The following ZNF280D variants were observed in gnomAD, a reference collection of about 807,000 sequenced individuals.
ZNF280D encodes the protein zinc finger protein 280D.
ZNF280D carries 39 observed loss-of-function variants against 94.7 expected under a neutral mutation model. That is an observed-to-expected ratio of 0.41 (90% CI 0.32 to 0.54). ZNF280D has a LOEUF of 0.54. Among genes scored for constraint, ZNF280D ranks in the 20% least tolerant of loss-of-function variants. The probability of loss-of-function intolerance (pLI) is 0.22; values close to 1 mark genes in which losing one functional copy is unlikely to be tolerated. For missense variants in ZNF280D, 1,090 were observed against 1,149.3 expected (o/e 0.95, Z 0.75); for synonymous variants, 398 against 377.6 (o/e 1.05, Z -0.63).
At chr15:56,640,277 T>C (rs969778953) in intron 20 of ZNF280D, among the ~76,000 whole-genome samples, 1 of 151,908 alleles carries the variant, frequency 6.6e-6, no homozygotes, top group African/African-American at 2.4e-5. Context: ...GCTTTGTGTG[T>C]GGTGTGTTTT....
chr15:56,718,889 C>A (rs745571437), intron 1 of ZNF280D, among the ~76,000 whole-genome samples: 14 of 152,334 alleles, frequency 9.2e-5, no homozygotes, highest in Middle Eastern at 3.4e-3. Context: ...GTTTATCTTG[C>A]AGCTATTTTA....
intron 17 of ZNF280D, among the ~76,000 whole-genome samples, chr15:56,656,280 A>C (rs2053551442): frequency 6.6e-6 from 1 of 152,192 alleles, no homozygotes; most frequent in Non-Finnish European, 1.5e-5. Flanking sequence ...AATAAGAATA[A>C]TTACATTAAT....
At chr15:56,706,855 T>C (rs1186923463) in intron 3 of ZNF280D, among the ~76,000 whole-genome samples, 2 of 152,194 alleles carry the variant, frequency 1.3e-5, no homozygotes, top group African/African-American at 2.4e-5. Context: ...TGTATGATTA[T>C]ATGTACCAAA....
chr15:56,690,497 GGTTT>G (rs1321778829), intron 7 of ZNF280D, among the ~76,000 whole-genome samples: 1 of 152,020 alleles, frequency 6.6e-6, no homozygotes, highest in Non-Finnish European at 1.5e-5. Context: ...GAAATTAATG[GGTTT>G]GTTTTAGAGA....
chr15:56,702,589 T>TAAA lies in ZNF280D; in HGVS notation c.176-1352_176-1351insTTT, dbSNP rs1596566582. On this transcript the variant is annotated intron_variant, in intron 4 of 21. Coordinates refer to ENST00000267807, the MANE Select transcript of ZNF280D (RefSeq NM_017661.4). The stretch of plus-strand genomic sequence containing the variant: ...TCACCTTGAATCTTAACTGTCATGT[T>TAAA]TTCAATAAGAGTTTGAATTTTGCAA... Among the ~76,000 whole-genome samples the TAAA allele has an allele frequency of 2.6e-5, 4 of 152,280 alleles. No homozygotes were observed. The East Asian group carries it at 7.7e-4, about 29-fold the overall frequency.
intron 17 of ZNF280D, among the ~76,000 whole-genome samples, chr15:56,656,453 A>G (rs1324854402): frequency 2.6e-5 from 4 of 152,220 alleles, no homozygotes; most frequent in African/African-American, 9.6e-5. Flanking sequence ...ACAATGAGGT[A>G]AAAATTGAAT....
At chr15:56,636,340 C>T (rs1048366322) in intron 20 of ZNF280D, among the ~76,000 whole-genome samples, 3 of 152,122 alleles carry the variant, frequency 2.0e-5, no homozygotes, top group Non-Finnish European at 4.4e-5. Context: ...CTGGTATTTG[C>T]AGGTGGTCAG....
At chr15:56,653,372 A>C in intron 19 of ZNF280D, 6 of 1,292,374 alleles carry the variant, frequency 4.6e-6, no homozygotes, top group Non-Finnish European at 5.9e-6. Flanking sequence ...GGTGGGCCTT[A>C]AAGCCATCTC....
intron 1 of ZNF280D, among the ~76,000 whole-genome samples, chr15:56,726,714 C>T (rs1277588827): frequency 6.6e-6 from 1 of 152,168 alleles, no homozygotes; most frequent in African/African-American, 2.4e-5. Flanking sequence ...TAATTGTTCT[C>T]ATTTATTTTC....
chr15:56,689,253 T>G, intron 8 of ZNF280D, 47 bp downstream of exon 8: 1 of 1,567,990 alleles, frequency 6.4e-7, no homozygotes, highest in Non-Finnish European at 8.6e-7. Flanking sequence ...CAAAAATGTA[T>G]GTATAAATAC....
In ZNF280D at chr15:56,704,111, A is replaced by G; in HGVS notation, c.175+10T>C. The G allele has an allele frequency of 6.2e-7, 1 of 1,613,326 alleles. No homozygotes were observed. Among genetic ancestry groups the G allele is most frequent in the Non-Finnish European group, 8.5e-7 (1 of 1,179,784 alleles). ...TATAAAGCTTGGTTTCACTAAAAGT[A>G]AATGCTTACTTGAAATTGCTGGTTT... is the stretch of plus-strand genomic sequence containing the variant. On this transcript the variant is annotated intron_variant, in intron 4 of 21. Transcript: ENST00000267807.
rs777125949 is a variant in ZNF280D, at chr15:56,689,364, G to A, written c.606C>T (p.Ser202=). 1.2e-6 allele frequency: 2 copies of A among 1,609,862 alleles called. No individual in the cohort carries two copies. Among genetic ancestry groups the A allele is most frequent in the Non-Finnish European group, 8.5e-7 (1 of 1,178,004 alleles). The change falls in exon 8 of 22, where the codon TCC becomes TCT. Residue 202 remains serine (S), a synonymous_variant. Transcript: ENST00000267807. The stretch of plus-strand genomic sequence containing the variant: ...ATTTAACTGAAGGTAATACAGCTGA[G>A]GAATTTGCTCCAGAAACACTTTCGC... ...KPSESVSGAN[S]SAVLPSVKSP...
At chr15:56,663,191 G>A (rs928000612) in intron 16 of ZNF280D, among the ~76,000 whole-genome samples, 3 of 150,032 alleles carry the variant, frequency 2.0e-5, no homozygotes, top group Non-Finnish European at 4.4e-5. Flanking sequence ...CGCTGAGGTG[G>A]GAGGATCACC....
intron 6 of ZNF280D, among the ~76,000 whole-genome samples, chr15:56,697,287 T>G (rs1375830808): frequency 6.6e-6 from 1 of 151,966 alleles, no homozygotes; most frequent in Non-Finnish European, 1.5e-5. Flanking sequence ...CAGGTTCAAG[T>G]GATTCTCCTG....
At chr15:56,733,433 C>CGGGCGG (rs1355924170) in intron 1 of ZNF280D, 25 bp downstream of exon 1, 33 of 1,051,892 alleles carry the variant, frequency 3.1e-5, no homozygotes, top group East Asian at 1.1e-4. Context: ...CAGCGCAGGG[C>CGGGCGG]GGGCGGGGGC....
rs1162964571 is a variant in ZNF280D, at chr15:56,676,615, A to G, written c.1410+55T>C. ...AAATCTAAAGATTCTCCAAGTCATA[A>G]TCAGTTTTTTCACTAAGACAACATA... is the stretch of plus-strand genomic sequence containing the variant. On this transcript the variant is annotated intron_variant, in intron 13 of 21. Transcript: ENST00000267807. The G allele has an allele frequency of 4.8e-6, 7 of 1,464,082 alleles. No homozygotes were observed. The African/African-American group carries it at 1.0e-4, about 21-fold the overall frequency. The allele number at this position is 1,464,082 out of a possible 1,614,324, so 90.7% of individuals were successfully genotyped here.
intron 6 of ZNF280D, chr15:56,697,761 A>C (rs2056839034): frequency 6.6e-6 from 1 of 152,174 alleles, no homozygotes; most frequent in Non-Finnish European, 1.5e-5. Flanking sequence ...AGAATATTTT[A>C]TAATATTTAT....
chr15:56,679,505 T>C (rs1430056003), intron 10 of ZNF280D, among the ~76,000 whole-genome samples: 2 of 152,204 alleles, frequency 1.3e-5, no homozygotes, highest in African/African-American at 2.4e-5. Context: ...AACATACATT[T>C]TTCAGTTTTA....
chr15:56,678,945 A>G, intron 10 of ZNF280D, 124 bp from the exon 11 acceptor site: 8 of 907,006 alleles, frequency 8.8e-6, no homozygotes, highest in Non-Finnish European at 1.2e-5. Flanking sequence ...CAAAAGTCTT[A>G]AAGTTGCCTA....
Sources: allele counts gnomAD v4.1 joint callset (sites outside exome capture counted in the v4.1 genomes callset), GRCh38; gene constraint gnomAD v4.1.1; transcripts MANE v1.5; gene names NCBI Gene and HGNC (gene_info 2026-07-23, HGNC 2026-07-21).